Variants in TRAPPC9 observed in about 807,000 individuals in gnomAD.
TRAPPC9 encodes the protein IKK2 binding protein.
TRAPPC9 carries 83 observed loss-of-function variants against 124.0 expected under a neutral mutation model. The observed-to-expected ratio is 0.67, with a 90% CI of 0.56 to 0.80. The LOEUF (loss-of-function observed/expected upper bound fraction) is 0.80. TRAPPC9 is among the 30% of genes least tolerant of loss of function. TRAPPC9 has a pLI of 0.00. For synonymous variants in TRAPPC9, 638 were observed against 617.5 expected, an observed-to-expected ratio of 1.03 and a Z score of -0.49; for missense variants, 1,302 against 1,508.3, an observed-to-expected ratio of 0.86 and a Z score of 2.27.
chr8:140,193,115 T>C (rs1471847467), intron 17 of TRAPPC9, among the ~76,000 whole-genome samples: 2 of 152,212 alleles, frequency 1.3e-5, no homozygotes, highest in African/African-American at 2.4e-5. Context: ...AGTATTTCAC[T>C]GGGGAAAGAC....
chr8:139,772,195 C>T (rs113614119), intron 21 of TRAPPC9, among the ~76,000 whole-genome samples: 69 of 152,326 alleles, frequency 4.5e-4, no homozygotes, highest in African/African-American at 1.5e-3. Context: ...TGTGCTTACA[C>T]GCATGAATAT....
chr8:139,894,893 C>T (rs1057047411), intron 20 of TRAPPC9, among the ~76,000 whole-genome samples: 1 of 152,172 alleles, frequency 6.6e-6, no homozygotes, highest in African/African-American at 2.4e-5. Context: ...TCAGAGTCGT[C>T]CAACTGGGTC....
rs115207007 is a variant in TRAPPC9, at chr8:139,912,809, G to A, written c.2811-2509C>T. Among the ~76,000 whole-genome samples, 1,404 of 152,216 alleles carry A rather than the reference G, an allele frequency of 9.2e-3. 28 individuals carry two copies. The highest frequency in any genetic ancestry group is 0.032 in the African/African-American group (1,332 of 41,498). On this transcript the variant is annotated intron_variant, in intron 19 of 22. Coordinates refer to ENST00000438773, the MANE Select transcript of TRAPPC9 (RefSeq NM_001160372.4). Reference sequence around the variant, plus strand: ...TTCTTCTCTTGTGAGTAACCTACCCGTGCAGCAAGAGCTTCTAATTTTCCA... The same window carrying A: ...TTCTTCTCTTGTGAGTAACCTACCCATGCAGCAAGAGCTTCTAATTTTCCA...
At chr8:140,196,507 CATACA>C (rs2062670818) in intron 17 of TRAPPC9, among the ~76,000 whole-genome samples, 1 of 38,226 alleles carries the variant, frequency 2.6e-5, no homozygotes. Context: ...AACGATCCAC[CATACA>C]GATCACACCT....
chr8:140,298,570 T>C (rs944398444), intron 11 of TRAPPC9, among the ~76,000 whole-genome samples: 1 of 152,112 alleles, frequency 6.6e-6, no homozygotes, highest in Non-Finnish European at 1.5e-5. Context: ...GAGGATCAAC[T>C]GAGCCCAGGA....
rs2067645006 is a variant in TRAPPC9 at position 140,353,415 on chromosome 8, C to A, written c.1495+6635G>T. Among the ~76,000 whole-genome samples the A allele has an allele frequency of 6.6e-6, 1 of 151,964 alleles. No homozygotes were observed. On this transcript the variant is annotated intron_variant, in intron 9 of 22. Coordinates refer to ENST00000438773, the MANE Select transcript of TRAPPC9 (RefSeq NM_001160372.4). The surrounding 1 kb of genome is among the most constrained non-coding windows in gnomAD (Gnocchi z 4.2). ...CCCTTCTTTTCGTAAGTATTGATAACCGCACTTCACTCACAGTAGCAGAGC... is the reference window on the plus strand; with the variant it reads ...CCCTTCTTTTCGTAAGTATTGATAAACGCACTTCACTCACAGTAGCAGAGC...
At position 139,976,405 on chromosome 8, in the gene TRAPPC9, T is replaced by C. The variant is rs1202251566; in HGVS notation, c.2810+12321A>G. On this transcript the variant is annotated intron_variant, in intron 19 of 22. Transcript: ENST00000438773. ...CTTATGACACCAAAGGTACAGCCTA[T>C]GTTTAAAAATTGATAAACTGTACTT... is the stretch of plus-strand genomic sequence containing the variant. Among the ~76,000 whole-genome samples, 3 of 152,236 alleles carry C rather than the reference T, an allele frequency of 2.0e-5. No homozygotes were observed. In the East Asian group the frequency reaches 5.8e-4, roughly 29 times the overall value.
chr8:139,963,520 C>T (rs1835482486), intron 19 of TRAPPC9, among the ~76,000 whole-genome samples: 2 of 152,114 alleles, frequency 1.3e-5, no homozygotes, highest in Admixed American at 1.3e-4. Flanking sequence ...ATGGGAGACT[C>T]GTCCTTTCAG....
intron 17 of TRAPPC9, among the ~76,000 whole-genome samples, chr8:140,183,252 G>C (rs1274875278): frequency 2.6e-5 from 4 of 152,150 alleles, no homozygotes; most frequent in Non-Finnish European, 5.9e-5. Context: ...CTGGGGATGG[G>C]GATGGTTGGT....
intron 17 of TRAPPC9, chr8:140,095,426 A>G (rs1305458338): frequency 6.6e-6 from 1 of 152,178 alleles, no homozygotes; most frequent in African/African-American, 2.4e-5. Flanking sequence ...GAACAGTTAC[A>G]TTAATTAAAA....
At chr8:140,383,930 T>A (rs200880076) in intron 7 of TRAPPC9, among the ~76,000 whole-genome samples, 1 of 152,026 alleles carries the variant, frequency 6.6e-6, no homozygotes, top group African/African-American at 2.4e-5. Flanking sequence ...CGGGTTACCC[T>A]CAAAGGGAAA....
chr8:140,114,818 G>C (rs1442560281), intron 17 of TRAPPC9, among the ~76,000 whole-genome samples: 1 of 152,188 alleles, frequency 6.6e-6, no homozygotes, highest in East Asian at 1.9e-4. Flanking sequence ...GAGACAAGAG[G>C]AGGGAGGGAA....
At chr8:140,360,483 T>C (rs982059913) in intron 8 of TRAPPC9, among the ~76,000 whole-genome samples, 7 of 152,174 alleles carry the variant, frequency 4.6e-5, no homozygotes, top group Non-Finnish European at 1.0e-4. Flanking sequence ...GAACAAAAGA[T>C]GGATTTCATA....
At chr8:140,373,708 T>C (rs1563981806) in intron 7 of TRAPPC9, among the ~76,000 whole-genome samples, 1 of 152,078 alleles carries the variant, frequency 6.6e-6, no homozygotes, top group East Asian at 1.9e-4. Flanking sequence ...CACCAGCATA[T>C]GAGGATATCA....
At chr8:139,817,807 C>T (rs1054796960) in intron 21 of TRAPPC9, among the ~76,000 whole-genome samples, 12 of 152,248 alleles carry the variant, frequency 7.9e-5, no homozygotes, top group South Asian at 4.1e-4. Context: ...TAGGTAAAGA[C>T]TTTCGGGAAT....
rs899360306 is a variant in TRAPPC9, at chr8:140,000,137, T to C, written c.2700-11301A>G. Among the ~76,000 whole-genome samples, 5 of 152,302 alleles carry C rather than the reference T, an allele frequency of 3.3e-5. No individual in the cohort carries two copies. In the East Asian group the frequency reaches 7.7e-4, roughly 23 times the overall value. On this transcript the variant is annotated intron_variant, in intron 18 of 22. Transcript: ENST00000438773. ...ACAAAAACAAGCAATGGTAAAAGGA[T>C]TCCCTATTTAATAAGTGGTGCTGGG...
At position 139,729,172 on chromosome 8, in the gene TRAPPC9, G is replaced by T. The variant is rs1364749576; in HGVS notation, c.*1889C>A. On this transcript the variant is annotated 3_prime_UTR_variant, in exon 23 of 23. Transcript: ENST00000438773. ...CAGTTCAGGTCACTCTTCTACAGGG[G>T]ATGTGTATCCTTTCTACCTTTTAAA... 1.3e-5 allele frequency among the ~76,000 whole-genome samples: 2 copies of T among 152,214 alleles called. No individual in the cohort carries two copies. The highest frequency in any genetic ancestry group is 2.9e-5 in the Non-Finnish European group (2 of 68,028).
chr8:140,191,841 T>C (rs1290237106), intron 17 of TRAPPC9, among the ~76,000 whole-genome samples: 1 of 152,118 alleles, frequency 6.6e-6, no homozygotes, highest in Admixed American at 6.5e-5. Context: ...TAATACCCCA[T>C]AGCACAGTGG....
intron 19 of TRAPPC9, among the ~76,000 whole-genome samples, chr8:139,947,668 T>A (rs552496651): frequency 6.6e-6 from 1 of 151,538 alleles, no homozygotes; most frequent in East Asian, 1.9e-4. Flanking sequence ...GTGATCAGCC[T>A]GGCCAACATG....
Sources: gnomAD v4.1 joint callset for allele counts (sites outside exome capture counted in the v4.1 genomes callset) on GRCh38, gnomAD v4.1.1 for gene constraint, Gnocchi (gnomAD v3.1) non-coding constraint, MANE v1.5 for transcripts, NCBI Gene and HGNC (gene_info 2026-07-23, HGNC 2026-07-21) for gene names.